The following SLC6A20 variants were observed in gnomAD, a reference collection of about 807,000 sequenced individuals.
SLC6A20 encodes the protein sodium- and chloride-dependent transporter XTRP3.
A neutral mutation model predicts 64.3 loss-of-function variants in SLC6A20; 73 were observed. The ratio of observed to expected loss-of-function variants is 1.14; its 90% CI spans 0.94 to 1.38. The LOEUF is 1.38. Ranked by LOEUF, SLC6A20 falls within the 40% of genes most tolerant of loss-of-function variation. SLC6A20 has a pLI of 0.00. For synonymous variants in SLC6A20, 347 were observed against 329.6 expected (o/e 1.05, Z -0.57); for missense variants, 725 against 772.8 (o/e 0.94, Z 0.73).
intron 1 of SLC6A20, among the ~76,000 whole-genome samples, chr3:45,788,408 G>T (rs1462679734): frequency 6.6e-6 from 1 of 152,166 alleles, no homozygotes; most frequent in East Asian, 1.9e-4. Flanking sequence ...AGTTTCAGCA[G>T]TTGTGCCTGC....
At position 45,775,961 on chromosome 3, in the gene SLC6A20, G is replaced by T. The variant is rs772850724; in HGVS notation, c.382C>A (p.Leu128Met). The T allele has an allele frequency of 2.5e-6, 4 of 1,614,224 alleles. No homozygotes were observed. The highest frequency in any genetic ancestry group is 3.4e-6 in the Non-Finnish European group (4 of 1,180,022). The change falls in exon 4 of 11, where the codon CTG (leucine) becomes ATG (methionine). Residue 128 changes from leucine (L) to methionine (M), a missense_variant. Coordinates refer to ENST00000358525, the MANE Select transcript of SLC6A20 (RefSeq NM_020208.4). ...QDPLPWSVCP[L>M]NGNHTGYDEE... ...TCGTAGCCCGTGTGGTTACCATTCA[G>T]TGGGCAGACAGACCACGGCAGGGGA...
In SLC6A20 at chr3:45,780,165, C is replaced by T. The variant is rs374341555; in HGVS notation, c.263-65G>A. ...GCCCTTCCCCCTCCGCCAGGCCCAG[C>T]GTGTGCTCCCAGGACACACCTGTGG... On this transcript the variant is annotated intron_variant, in intron 2 of 10. Transcript: ENST00000358525. 3.4e-4 allele frequency: 509 copies of T among 1,490,960 alleles called. 2 individuals are homozygous for T. The African/African-American group carries it at 5.3e-3, about 15-fold the overall frequency. 92.4% of individuals were successfully genotyped at this position (1,490,960 alleles called of 1,614,324 possible).
intron 1 of SLC6A20, among the ~76,000 whole-genome samples, chr3:45,792,402 A>C (rs1444795531): frequency 6.6e-6 from 1 of 152,228 alleles, no homozygotes; most frequent in Non-Finnish European, 1.5e-5. Context: ...TGACAGGACC[A>C]ACTGTGGGCA....
At chr3:45,771,121 C>A (rs1231603015) in intron 6 of SLC6A20, 96 bp downstream of exon 6, 3 of 1,552,598 alleles carry the variant, frequency 1.9e-6, no homozygotes, top group Admixed American at 1.8e-5. Flanking sequence ...ATTGAGGACT[C>A]CAAAACTGGT....
Position 45,758,640 on chromosome 3 carries a change from A to T in SLC6A20, c.*338T>A. ...TTCAGCCAAAAACAAAAATTGCTTA[A>T]ATTTGGTCCCATAAGAATTATAGTC... On this transcript the variant is annotated 3_prime_UTR_variant, in exon 11 of 11. Transcript: ENST00000358525. 8.8e-7 allele frequency: 1 copy of T among 1,132,752 alleles called. No individual in the cohort carries two copies. The highest frequency in any genetic ancestry group is 1.1e-6 in the Non-Finnish European group (1 of 919,524). 70.2% of individuals were successfully genotyped at this position (1,132,752 alleles called of 1,614,324 possible).
At chr3:45,763,114 C>T (rs765467194) in intron 8 of SLC6A20, 42 bp from the exon 9 acceptor site, 2 of 1,610,196 alleles carry the variant, frequency 1.2e-6, no homozygotes, top group Non-Finnish European at 1.7e-6. Flanking sequence ...CCGAGACCCC[C>T]CCACTACTGC....
Position 45,759,946 on chromosome 3 carries a change from G to A in SLC6A20, c.1540C>T (p.Pro514Ser). 1.9e-6 allele frequency: 3 copies of A among 1,614,186 alleles called. No homozygotes were observed. Among genetic ancestry groups the A allele is most frequent in the Non-Finnish European group, 2.5e-6 (3 of 1,180,034 alleles). ...YWKVMWAGVS[P>S]LLIVSLFVFY... ...ACAAAGAGGCTGACAATCAGCAGTG[G>A]GCTTACGCCAGCCCACATCACCTTC... Residue 514 changes from proline to serine, a missense_variant, in exon 10 of 11, where the codon CCA becomes TCA. Pro to Ser is a moderately conservative substitution (Grantham distance 74). Coordinates refer to ENST00000358525, the MANE Select transcript of SLC6A20 (RefSeq NM_020208.4).
At position 45,775,831 on chromosome 3, in the gene SLC6A20, G is replaced by A. The variant is rs781203780; in HGVS notation, c.512C>T (p.Ala171Val). Residue 171 changes from alanine to valine, a missense_variant, in exon 4 of 11, where the codon GCG becomes GTG. By Grantham distance (64) the Ala-to-Val change is moderately conservative. Transcript: ENST00000358525. ...QENGGVQWEP[A>V]LCLLLAWLVV... ...CAGCCAGGCCAGGAGGAGGCACAGC[G>A]CCGGCTCCCACTGCACACCCCCGTT... 37 of 1,613,996 alleles carry A rather than the reference G, an allele frequency of 2.3e-5. No individual in the cohort carries two copies. The highest frequency in any genetic ancestry group is 5.0e-5 in the Admixed American group (3 of 60,000).
At chr3:45,792,385 AT>A (rs1454838281) in intron 1 of SLC6A20, among the ~76,000 whole-genome samples, 1 of 152,180 alleles carries the variant, frequency 6.6e-6, no homozygotes, top group Non-Finnish European at 1.5e-5. Flanking sequence ...CTATCTGTAA[AT>A]GGGGGTGACA....
At position 45,782,287 on chromosome 3, in the gene SLC6A20, C is replaced by A. The variant is rs148322845; in HGVS notation, c.122-64G>T. On this transcript the variant is annotated intron_variant, in intron 1 of 10. Transcript: ENST00000358525. Reference sequence around the variant, plus strand: ...AAGGCTTTTCTCCACGACCACTCAACCTCTGTGCAAACATCCTTCCATCCT... The same window carrying A: ...AAGGCTTTTCTCCACGACCACTCAAACTCTGTGCAAACATCCTTCCATCCT... 63 of 1,543,252 alleles carry A rather than the reference C, an allele frequency of 4.1e-5. No individual in the cohort carries two copies. In the African/African-American group the frequency reaches 8.2e-4, roughly 20 times the overall value.
Position 45,756,708 on chromosome 3 carries a change from A to T in SLC6A20, c.*2270T>A, listed in dbSNP as rs1419138159. The T allele has an allele frequency of 6.6e-6, 1 of 152,238 alleles. No homozygotes were observed. The highest frequency in any genetic ancestry group is 2.4e-5 in the African/African-American group (1 of 41,452). The allele number at this position is 152,238 out of a possible 1,614,324, so 9.4% of individuals were successfully genotyped here. A position where few individuals can be genotyped will look rare whatever the true frequency, so the allele number is the denominator to read the frequency against. On this transcript the variant is annotated 3_prime_UTR_variant, in exon 11 of 11. Transcript: ENST00000358525. ...CAGAATTCCATGATCTCAAGGAAGC[A>T]CTGGACGTTAGAGCAGGAAGGGACT...
In SLC6A20 at chr3:45,796,321, G is replaced by A; in HGVS notation, c.99C>T (p.Tyr33=). 6.2e-7 allele frequency: 1 copy of A among 1,611,866 alleles called. No homozygotes were observed. Among genetic ancestry groups the A allele is most frequent in the Non-Finnish European group, 8.5e-7 (1 of 1,179,214 alleles). The change falls in exon 1 of 11, where the codon TAC becomes TAT. Residue 33 remains tyrosine, a synonymous_variant. Coordinates refer to ENST00000358525, the MANE Select transcript of SLC6A20 (RefSeq NM_020208.4). ...CACCTCCGCCGTACATCTGGCACAG[G>A]TACGGGAATCGCCACACGTTGCCCA... ...VGLGNVWRFP[Y]LCQMYGGGSF...
At chr3:45,762,312 G>C (rs1226055812) in intron 9 of SLC6A20, among the ~76,000 whole-genome samples, 1 of 152,196 alleles carries the variant, frequency 6.6e-6, no homozygotes, top group Non-Finnish European at 1.5e-5. Flanking sequence ...CCCTCCCCTG[G>C]CCTGCCTGAT....
chr3:45,785,613 T>TCTCTCTCTCTCTCTCTCTCTCTCTC (rs1700157049), intron 1 of SLC6A20, among the ~76,000 whole-genome samples: 1 of 141,012 alleles, frequency 7.1e-6, no homozygotes, highest in African/African-American at 2.7e-5. Context: ...AAACTCCCCT[T>TCTCTCTCTCTCTCTCTCTCTCTCTC]TCTCTCTCTC....
chr3:45,770,533 CA>C (rs1433075096), intron 6 of SLC6A20, among the ~76,000 whole-genome samples, 162 bp from the exon 7 acceptor site: 1 of 152,196 alleles, frequency 6.6e-6, no homozygotes, highest in Non-Finnish European at 1.5e-5. Flanking sequence ...GAAGAAGCCT[CA>C]GATATGAACA....
intron 1 of SLC6A20, among the ~76,000 whole-genome samples, chr3:45,790,897 G>C (rs1197061375): frequency 6.6e-6 from 1 of 152,140 alleles, no homozygotes; most frequent in African/African-American, 2.4e-5. Context: ...GCCACCTGGG[G>C]TTTCTGGCCA....
intron 4 of SLC6A20, among the ~76,000 whole-genome samples, chr3:45,774,684 G>T (rs1312227492): frequency 6.6e-6 from 1 of 152,204 alleles, no homozygotes; most frequent in Non-Finnish European, 1.5e-5. Context: ...GGGGGGTGGG[G>T]TGTGGCTGGA....
At chr3:45,762,840 C>A in intron 9 of SLC6A20, 73 bp downstream of exon 9, 1 of 1,576,546 alleles carries the variant, frequency 6.3e-7, no homozygotes, top group South Asian at 1.1e-5. Context: ...CAAGAAACAG[C>A]TGTTTTCCTT....
intron 7 of SLC6A20, 95 bp downstream of exon 7, chr3:45,770,114 T>C: frequency 6.6e-7 from 1 of 1,515,952 alleles, no homozygotes; most frequent in Non-Finnish European, 9.0e-7. Flanking sequence ...TCTTTATTTT[T>C]ACAGACCTCG....
Sources: allele counts gnomAD v4.1 joint callset (sites outside exome capture counted in the v4.1 genomes callset), GRCh38; gene constraint gnomAD v4.1.1; transcripts MANE v1.5; gene names NCBI Gene and HGNC (gene_info 2026-07-23, HGNC 2026-07-21).